The following ADGB variants were observed in gnomAD, a reference collection of about 807,000 sequenced individuals.
The protein encoded by ADGB is calpain-7-like protein.
A neutral mutation model predicts 210.5 loss-of-function variants in ADGB; 172 were observed. The observed-to-expected ratio is 0.82, with a 90% CI of 0.72 to 0.93. The LOEUF is 0.93. ADGB is among the 40% of genes least tolerant of loss of function. The pLI, the probability that ADGB is intolerant of heterozygous loss-of-function variation, is 0.00. For missense variants in ADGB, 2,025 were observed against 1,964.8 expected, an observed-to-expected ratio of 1.03 and a Z score of -0.58; for synonymous variants, 658 against 662.7, an observed-to-expected ratio of 0.99 and a Z score of 0.11.
intron 1 of ADGB, among the ~76,000 whole-genome samples, chr6:146,616,660 C>T (rs1008778409): frequency 6.6e-6 from 1 of 151,962 alleles, no homozygotes; most frequent in African/African-American, 2.4e-5. Flanking sequence ...TATCCAATTT[C>T]CCCAGTACCA....
chr6:146,730,960 T>A (rs917415971), intron 20 of ADGB, among the ~76,000 whole-genome samples: 50 of 152,170 alleles, frequency 3.3e-4, no homozygotes, highest in African/African-American at 1.1e-3. Context: ...AAATAAGATT[T>A]ACATACATTT....
intron 18 of ADGB, 46 bp from the exon 19 acceptor site, chr6:146,726,037 C>T: frequency 7.8e-7 from 1 of 1,288,002 alleles, no homozygotes; most frequent in Non-Finnish European, 1.1e-6. Flanking sequence ...TCAAATGCCA[C>T]CACCCAGGAA....
chr6:146,707,198 G>A (rs1023789056), intron 13 of ADGB, among the ~76,000 whole-genome samples: 1 of 152,074 alleles, frequency 6.6e-6, no homozygotes, highest in Admixed American at 6.6e-5. Context: ...GGTTATAAAA[G>A]GTAGTTATAT....
intron 29 of ADGB, among the ~76,000 whole-genome samples, chr6:146,771,678 G>C (rs1777655377): frequency 6.6e-6 from 1 of 152,150 alleles, no homozygotes; most frequent in South Asian, 2.1e-4. Context: ...CTGCAAAGAA[G>C]TAGATAGAGT....
chr6:146,667,236 T>C (rs1467305963), intron 7 of ADGB, among the ~76,000 whole-genome samples: 1 of 151,872 alleles, frequency 6.6e-6, no homozygotes, highest in Non-Finnish European at 1.5e-5. Flanking sequence ...TTTACAGAAG[T>C]GACAAGACAA....
intron 29 of ADGB, among the ~76,000 whole-genome samples, chr6:146,774,485 G>A (rs971965676): frequency 1.3e-5 from 2 of 152,282 alleles, no homozygotes; most frequent in East Asian, 3.9e-4. Context: ...TACATAGTAT[G>A]TTTGTTGCTG....
Position 146,801,197 on chromosome 6 carries a change from A to T in ADGB, c.4552A>T (p.Thr1518Ser). 6.7e-7 allele frequency: 1 copy of T among 1,499,910 alleles called. No homozygotes were observed. 92.9% of individuals were successfully genotyped at this position (1,499,910 alleles called of 1,614,324 possible). A position where few individuals can be genotyped will look rare whatever the true frequency, so the allele number is the denominator to read the frequency against. ...RKENIQTGPR[T>S]RSPTILETSP... ...TTTTTTTAAAGAAACAGGACCTCGT[A>T]CACGATCTCCAACAATTTTGGAAAC... The change falls in exon 34 of 36, where the codon ACA becomes TCA. Residue 1518 changes from threonine (T) to serine (S), a missense_variant. By Grantham distance (58) the Thr-to-Ser change is moderately conservative (BLOSUM62 1). Coordinates refer to ENST00000397944, the MANE Select transcript of ADGB (RefSeq NM_024694.4).
At chr6:146,605,959 C>A (rs1245333610) in intron 1 of ADGB, among the ~76,000 whole-genome samples, 1 of 152,122 alleles carries the variant, frequency 6.6e-6, no homozygotes, top group Non-Finnish European at 1.5e-5. Flanking sequence ...ATTTCTGGGT[C>A]AAATGGTGGT....
intron 1 of ADGB, among the ~76,000 whole-genome samples, chr6:146,600,113 T>TA (rs1285518216): frequency 6.6e-6 from 1 of 152,210 alleles, no homozygotes; most frequent in Non-Finnish European, 1.5e-5. Flanking sequence ...TGTGAATCTC[T>TA]AGTCCCTTAG....
chr6:146,669,465 C>T (rs1263286307), intron 7 of ADGB, among the ~76,000 whole-genome samples: 1 of 152,058 alleles, frequency 6.6e-6, no homozygotes, highest in African/African-American at 2.4e-5. Flanking sequence ...AGTGAAATGG[C>T]TCTTCTTAAA....
intron 8 of ADGB, among the ~76,000 whole-genome samples, chr6:146,673,493 T>G (rs2114904573): frequency 6.6e-6 from 1 of 152,308 alleles, no homozygotes; most frequent in South Asian, 2.1e-4. Flanking sequence ...AATTAAGATC[T>G]TTCTTTTCTA....
At chr6:146,795,911 G>A (rs556792269) in intron 33 of ADGB, among the ~76,000 whole-genome samples, 8 of 152,138 alleles carry the variant, frequency 5.3e-5, no homozygotes, top group East Asian at 1.9e-4. Flanking sequence ...AGTCAAACTC[G>A]CTGTTTGCTG....
At chr6:146,704,272 T>C (rs1776535693) in intron 13 of ADGB, among the ~76,000 whole-genome samples, 1 of 151,540 alleles carries the variant, frequency 6.6e-6, no homozygotes, top group African/African-American at 2.4e-5. Context: ...TCCTTATAAT[T>C]GCTTCCTTTT....
In ADGB at chr6:146,734,403, T is replaced by C. The variant is rs141001294; in HGVS notation, c.2794+373T>C. On this transcript the variant is annotated intron_variant, in intron 22 of 35. Coordinates refer to ENST00000397944, the MANE Select transcript of ADGB (RefSeq NM_024694.4). ...ACCTCAGTCAGCCTCAGCTAAGTCA[T>C]AGATATTTTCACATTTCCAGATGAT... 1.3e-3 allele frequency among the ~76,000 whole-genome samples: 205 copies of C among 152,350 alleles called. 2 individuals carry two copies. The highest frequency in any genetic ancestry group is 4.8e-3 in the African/African-American group (199 of 41,590).
intron 35 of ADGB, among the ~76,000 whole-genome samples, chr6:146,804,693 C>T (rs962610868): frequency 2.0e-5 from 3 of 152,118 alleles, no homozygotes; most frequent in African/African-American, 7.2e-5. Flanking sequence ...TTGCTATAGC[C>T]CAGTTACTGA....
chr6:146,603,660 A>G (rs1198530566), intron 1 of ADGB, among the ~76,000 whole-genome samples: 2 of 152,238 alleles, frequency 1.3e-5, no homozygotes, highest in African/African-American at 2.4e-5. Flanking sequence ...ATAATTTTCA[A>G]GTTAATCTAA....
chr6:146,797,044 A>G (rs1401694693), intron 33 of ADGB, among the ~76,000 whole-genome samples: 1 of 152,308 alleles, frequency 6.6e-6, no homozygotes, highest in African/African-American at 2.4e-5. Flanking sequence ...TAAGGACATG[A>G]ATAGACAATC....
intron 17 of ADGB, among the ~76,000 whole-genome samples, chr6:146,721,878 C>T (rs1250199412): frequency 2.6e-5 from 4 of 151,924 alleles, no homozygotes; most frequent in Non-Finnish European, 5.9e-5. Flanking sequence ...TTTAGAAGAC[C>T]GTGGATGGAG....
chr6:146,599,113 G>A lies in ADGB; in HGVS notation c.73G>A (p.Asp25Asn). 6.4e-7 allele frequency: 1 copy of A among 1,551,550 alleles called. No homozygotes were observed. Among genetic ancestry groups the A allele is most frequent in the Non-Finnish European group, 8.7e-7 (1 of 1,146,806 alleles). ...GGCGCACGGATCGGATAAATCGAAA[G>A]AGTAAGGGACCTCTGCCTGTCCGTC... is the stretch of plus-strand genomic sequence containing the variant. The part of the protein sequence containing the change: ...NSAHGSDKSK[D>N]FYPFGSNVQS... The change falls in exon 1 of 36, where the codon GAT becomes AAT. Residue 25 changes from aspartate (D) to asparagine (N), a missense_variant and splice_region_variant. Coordinates refer to ENST00000397944, the MANE Select transcript of ADGB (RefSeq NM_024694.4).
Sources: gnomAD v4.1 joint callset for allele counts (sites outside exome capture counted in the v4.1 genomes callset) on GRCh38, gnomAD v4.1.1 for gene constraint, MANE v1.5 for transcripts, NCBI Gene and HGNC (gene_info 2026-07-23, HGNC 2026-07-21) for gene names.